TBC1D22A: variants seen among roughly 807,000 people sequenced by gnomAD.
TBC1D22A encodes TBC1 domain family member 22A.
TBC1D22A carries 38 observed loss-of-function variants against 60.2 expected under a neutral mutation model. The observed-to-expected ratio is 0.63, with a 90% CI of 0.49 to 0.83. The LOEUF is 0.83. TBC1D22A is among the 40% of genes least tolerant of loss of function. TBC1D22A has a pLI of 0.00. For synonymous variants in TBC1D22A, 302 were observed against 281.7 expected (o/e 1.07, Z -0.72); for missense variants, 628 against 701.0 (o/e 0.90, Z 1.18).
At chr22:47,162,155 GTATATAAA>G (rs1279940748) in intron 12 of TBC1D22A, among the ~76,000 whole-genome samples, 3 of 149,026 alleles carry the variant, frequency 2.0e-5, no homozygotes, top group Admixed American at 6.7e-5. Context: ...GCCTTTATGT[GTATATAAA>G]TATATGAGAG....
At chr22:46,762,999 C>T in intron 1 of TBC1D22A, 151 bp downstream of exon 1, 2 of 673,812 alleles carry the variant, frequency 3.0e-6, no homozygotes, top group East Asian at 3.4e-5. Flanking sequence ...CGTTGGGGGG[C>T]TCGGAGGTCG....
At chr22:46,812,388 G>C (rs898999099) in intron 4 of TBC1D22A, among the ~76,000 whole-genome samples, 1 of 152,220 alleles carries the variant, frequency 6.6e-6, no homozygotes, top group African/African-American at 2.4e-5. Flanking sequence ...TTGTGGTGCT[G>C]AGGAGACACG....
rs551724424 is a variant in TBC1D22A, at chr22:47,053,465, C to T, written c.1329+16267C>T. Among the ~76,000 whole-genome samples, 4 of 152,330 alleles carry T rather than the reference C, an allele frequency of 2.6e-5. No homozygotes were observed. In the East Asian group the frequency reaches 5.8e-4, roughly 22 times the overall value. ...CCTGTCCCAGGGCCGCCTCGTCAGG[C>T]GCACTCAGAGGCCTCAGGAGTGCTG... On this transcript the variant is annotated intron_variant, in intron 11 of 12. Coordinates refer to ENST00000337137, the MANE Select transcript of TBC1D22A (RefSeq NM_014346.5).
intron 11 of TBC1D22A, among the ~76,000 whole-genome samples, chr22:47,062,576 G>T (rs899937599): frequency 4.6e-5 from 7 of 152,094 alleles, no homozygotes; most frequent in African/African-American, 1.7e-4. Flanking sequence ...TCTAGCGTGA[G>T]TGCCGTAGTG....
chr22:47,129,402 G>C (rs2066603077), intron 12 of TBC1D22A, among the ~76,000 whole-genome samples: 1 of 152,212 alleles, frequency 6.6e-6, no homozygotes. Context: ...ACTTGAACCT[G>C]GGAGGCGGAG....
At chr22:46,916,343 G>C (rs1361448082) in intron 8 of TBC1D22A, among the ~76,000 whole-genome samples, 1 of 152,218 alleles carries the variant, frequency 6.6e-6, no homozygotes, top group East Asian at 1.9e-4. Context: ...AGGTGGGTTA[G>C]GGTTCGATGG....
chr22:47,075,799 C>T lies in TBC1D22A; in HGVS notation c.1330-35709C>T, dbSNP rs1603239529. Among the ~76,000 whole-genome samples, 4 of 149,426 alleles carry T rather than the reference C, an allele frequency of 2.7e-5. No homozygotes were observed. In the East Asian group the frequency reaches 7.8e-4, roughly 29 times the overall value. ...CCAACTATGTGGTATTCATGATTGA[C>T]ACACACACACACACACATATGGACA... On this transcript the variant is annotated intron_variant, in intron 11 of 12. Transcript: ENST00000337137.
At chr22:47,018,219 A>G (rs5769290) in intron 10 of TBC1D22A, among the ~76,000 whole-genome samples, 1 of 152,224 alleles carries the variant, frequency 6.6e-6, no homozygotes, top group Non-Finnish European at 1.5e-5. Flanking sequence ...AGGGGCGCCC[A>G]TGGAGGGGCG....
intron 7 of TBC1D22A, among the ~76,000 whole-genome samples, chr22:46,904,142 T>TCTATCTATCTATCTACCTAC (rs57116517): frequency 3.0e-5 from 4 of 134,576 alleles, no homozygotes; most frequent in South Asian, 2.4e-4. Flanking sequence ...TATCTATCTA[T>TCTATCTATCTATCTACCTAC]CTACCTACCT....
chr22:47,043,742 T>C (rs1400026897), intron 11 of TBC1D22A, among the ~76,000 whole-genome samples: 3 of 150,902 alleles, frequency 2.0e-5, no homozygotes, highest in African/African-American at 7.3e-5. Context: ...AGGAAATGAG[T>C]GAGAGGTGGG....
intron 1 of TBC1D22A, among the ~76,000 whole-genome samples, chr22:46,769,111 A>AG (rs1311739742): frequency 1.8e-4 from 27 of 150,992 alleles, no homozygotes; most frequent in African/African-American, 6.6e-4. Flanking sequence ...AAAAAAAAAA[A>AG]AAAAAGAAAG....
intron 4 of TBC1D22A, among the ~76,000 whole-genome samples, chr22:46,832,373 G>A (rs972954996): frequency 2.6e-5 from 4 of 152,228 alleles, no homozygotes; most frequent in Admixed American, 6.5e-5. Flanking sequence ...GGCTGGGGCC[G>A]GGCGCAGTGG....
rs114158253 is a variant in TBC1D22A at position 46,796,377 on chromosome 22, C to T, written c.461-1067C>T. On this transcript the variant is annotated intron_variant, in intron 3 of 12. Coordinates refer to ENST00000337137, the MANE Select transcript of TBC1D22A (RefSeq NM_014346.5). ...GGGGTGCTCTGTGGGAAGGAGGGCG[C>T]GGGGGAGTGCGGCTCCTACCTCCTT... Among the ~76,000 whole-genome samples, 801 of 152,146 alleles carry T rather than the reference C, an allele frequency of 5.3e-3. 6 individuals are homozygous for T. Among genetic ancestry groups the T allele is most frequent in the African/African-American group, 0.018 (735 of 41,506 alleles).
intron 12 of TBC1D22A, among the ~76,000 whole-genome samples, chr22:47,167,737 G>C (rs2068263549): frequency 6.6e-6 from 1 of 152,158 alleles, no homozygotes; most frequent in Non-Finnish European, 1.5e-5. Flanking sequence ...ATAGGTCCAT[G>C]GATGGGCTTG....
intron 4 of TBC1D22A, among the ~76,000 whole-genome samples, chr22:46,827,395 G>A (rs1569097617): frequency 6.6e-6 from 1 of 152,200 alleles, no homozygotes; most frequent in Non-Finnish European, 1.5e-5. Flanking sequence ...TTCACCATCG[G>A]TGCAGCTTGT....
At chr22:46,807,537 G>T (rs560685235) in intron 4 of TBC1D22A, among the ~76,000 whole-genome samples, 7 of 152,126 alleles carry the variant, frequency 4.6e-5, no homozygotes, top group Non-Finnish European at 8.8e-5. Context: ...GGCACTACTT[G>T]GCACTGTACC....
At chr22:46,814,099 C>G (rs1461330934) in intron 4 of TBC1D22A, among the ~76,000 whole-genome samples, 2 of 152,194 alleles carry the variant, frequency 1.3e-5, no homozygotes, top group Non-Finnish European at 2.9e-5. Flanking sequence ...CCAGCCTTAC[C>G]TTCTTAGAGA....
At chr22:46,894,656 A>G (rs2147626975) in intron 6 of TBC1D22A, 128 bp from the exon 7 acceptor site, 2 of 1,101,602 alleles carry the variant, frequency 1.8e-6, no homozygotes, top group Middle Eastern at 4.3e-4. Flanking sequence ...GGAGAACGAG[A>G]ATCCTCAAGG....
At chr22:46,929,854 C>T (rs540670733) in intron 8 of TBC1D22A, among the ~76,000 whole-genome samples, 1 of 152,266 alleles carries the variant, frequency 6.6e-6, no homozygotes, top group Non-Finnish European at 1.5e-5. Context: ...AGCATGTGCC[C>T]AACGGTCCCC....
Sources: gnomAD v4.1 joint callset for allele counts (sites outside exome capture counted in the v4.1 genomes callset) on GRCh38, gnomAD v4.1.1 for gene constraint, MANE v1.5 for transcripts, NCBI Gene and HGNC (gene_info 2026-07-23, HGNC 2026-07-21) for gene names.